Variants in ALKBH8 observed in about 807,000 individuals in gnomAD.
ALKBH8 encodes tRNA (carboxymethyluridine(34)-5-O)-methyltransferase ALKBH8.
In ALKBH8, 36 loss-of-function variants were observed where a neutral mutation model predicts 59.8. The observed-to-expected ratio is 0.60, with a 90% CI of 0.46 to 0.79. The LOEUF (loss-of-function observed/expected upper bound fraction) is 0.79, where lower values mean the gene tolerates loss of function less well. ALKBH8 is among the 30% of genes least tolerant of loss of function. The pLI, the probability that ALKBH8 is intolerant of heterozygous loss-of-function variation, is 0.00. For synonymous variants in ALKBH8, 276 were observed against 273.6 expected, an observed-to-expected ratio of 1.01 and a Z score of -0.09; for missense variants, 768 against 801.0, an observed-to-expected ratio of 0.96 and a Z score of 0.50.
At chr11:107,555,767 T>C (rs949413748) in intron 3 of ALKBH8, among the ~76,000 whole-genome samples, 3 of 152,224 alleles carry the variant, frequency 2.0e-5, no homozygotes, top group African/African-American at 7.2e-5. Flanking sequence ...GAATATATGA[T>C]TAGATGTTTA....
intron 10 of ALKBH8, among the ~76,000 whole-genome samples, chr11:107,519,797 T>C (rs543593170): frequency 9.0e-4 from 137 of 152,278 alleles, no homozygotes; most frequent in African/African-American, 3.2e-3. Flanking sequence ...AACTCTGAAT[T>C]TGAATTCTGG....
At chr11:107,537,895 A>T (rs1465634935) in intron 7 of ALKBH8, among the ~76,000 whole-genome samples, 1 of 152,206 alleles carries the variant, frequency 6.6e-6, no homozygotes, top group Non-Finnish European at 1.5e-5. Context: ...TGACAAGATG[A>T]GAAAGACCAC....
chr11:107,543,955 A>C (rs1463629560), intron 7 of ALKBH8, among the ~76,000 whole-genome samples: 1 of 152,238 alleles, frequency 6.6e-6, no homozygotes, highest in Non-Finnish European at 1.5e-5. Flanking sequence ...TTGGCCCCGC[A>C]ACAAAATATT....
intron 11 of ALKBH8, 89 bp downstream of exon 11, chr11:107,510,798 C>G: frequency 7.3e-7 from 1 of 1,377,670 alleles, no homozygotes; most frequent in Non-Finnish European, 9.8e-7. Flanking sequence ...AACTGAAAAG[C>G]TAAAACAGGG....
At chr11:107,518,600 C>T (rs1033469239) in intron 10 of ALKBH8, among the ~76,000 whole-genome samples, 1 of 152,270 alleles carries the variant, frequency 6.6e-6, no homozygotes, top group Non-Finnish European at 1.5e-5. Context: ...GTTCTTAAAC[C>T]ACAAACAATA....
intron 2 of ALKBH8, among the ~76,000 whole-genome samples, chr11:107,560,413 A>G (rs1864890292): frequency 6.6e-6 from 1 of 152,184 alleles, no homozygotes; most frequent in South Asian, 2.1e-4. Flanking sequence ...CAATGGAGAC[A>G]TATCATAACC....
intron 10 of ALKBH8, among the ~76,000 whole-genome samples, chr11:107,516,111 T>TTAA (rs2135485574): frequency 6.6e-6 from 1 of 152,314 alleles, no homozygotes; most frequent in African/African-American, 2.4e-5. Flanking sequence ...TTAGGTACTA[T>TTAA]TTTCACCACA....
intron 7 of ALKBH8, among the ~76,000 whole-genome samples, chr11:107,544,230 G>T (rs557674025): frequency 2.0e-5 from 3 of 152,152 alleles, no homozygotes; most frequent in African/African-American, 4.8e-5. Context: ...TACTCCAAAG[G>T]CTCCAAATAC....
chr11:107,522,777 G>A (rs1395015976), intron 9 of ALKBH8, among the ~76,000 whole-genome samples: 1 of 152,074 alleles, frequency 6.6e-6, no homozygotes, highest in African/African-American at 2.4e-5. Flanking sequence ...TTGCACTCCA[G>A]CACAGGTGAC....
At chr11:107,506,157 C>T (rs191721157) in intron 11 of ALKBH8, among the ~76,000 whole-genome samples, 25 of 152,252 alleles carry the variant, frequency 1.6e-4, no homozygotes, top group Non-Finnish European at 2.8e-4. Flanking sequence ...CAGGCTTTCA[C>T]TTGAGACCCA....
intron 10 of ALKBH8, among the ~76,000 whole-genome samples, chr11:107,516,640 A>T (rs1862874578): frequency 6.6e-6 from 1 of 152,250 alleles, no homozygotes; most frequent in South Asian, 2.1e-4. Context: ...TAACTTGAGG[A>T]AACAATCATC....
At chr11:107,519,371 C>T (rs985759289) in intron 10 of ALKBH8, among the ~76,000 whole-genome samples, 1 of 152,176 alleles carries the variant, frequency 6.6e-6, no homozygotes, top group South Asian at 2.1e-4. Context: ...TCCCAAAGTG[C>T]TGGGATTACA....
At chr11:107,527,272 C>T (rs1046994129) in intron 8 of ALKBH8, among the ~76,000 whole-genome samples, 23 of 151,836 alleles carry the variant, frequency 1.5e-4, no homozygotes, top group Admixed American at 3.9e-4. Context: ...TTACTCCAGG[C>T]AAGGTTATCT....
chr11:107,505,595 GACTTCT>G (rs1231100397), intron 11 of ALKBH8, among the ~76,000 whole-genome samples: 1 of 152,192 alleles, frequency 6.6e-6, no homozygotes, highest in Non-Finnish European at 1.5e-5. Flanking sequence ...ATACTATGGA[GACTTCT>G]ACTTATAGCC....
At chr11:107,508,945 G>A (rs1342434072) in intron 11 of ALKBH8, among the ~76,000 whole-genome samples, 1 of 152,168 alleles carries the variant, frequency 6.6e-6, no homozygotes, top group Non-Finnish European at 1.5e-5. Context: ...CCTTTTGGCT[G>A]TTGTGAATAA....
chr11:107,508,462 G>A (rs567161459), intron 11 of ALKBH8, among the ~76,000 whole-genome samples: 1 of 152,262 alleles, frequency 6.6e-6, no homozygotes, highest in South Asian at 2.1e-4. Flanking sequence ...CGTGAGCCAC[G>A]ACAGCTGGCC....
chr11:107,519,306 C>T (rs1422775439), intron 10 of ALKBH8, among the ~76,000 whole-genome samples: 2 of 151,690 alleles, frequency 1.3e-5, no homozygotes, highest in East Asian at 1.9e-4. Context: ...GGTTTCTCCA[C>T]GTTGGTCAGG....
At chr11:107,563,362 T>C (rs1865010473) in intron 1 of ALKBH8, among the ~76,000 whole-genome samples, 1 of 152,192 alleles carries the variant, frequency 6.6e-6, no homozygotes, top group Non-Finnish European at 1.5e-5. Flanking sequence ...AATACAGTGT[T>C]TAGGAGTCCA....
chr11:107,543,759 A>G (rs561715086), intron 7 of ALKBH8, among the ~76,000 whole-genome samples: 2 of 152,246 alleles, frequency 1.3e-5, no homozygotes, highest in South Asian at 2.1e-4. Flanking sequence ...TGACTCAATA[A>G]AGGCAAAAAA....
Sources: gnomAD v4.1 joint callset for allele counts (sites outside exome capture counted in the v4.1 genomes callset) on GRCh38, gnomAD v4.1.1 for gene constraint, MANE v1.5 for transcripts, NCBI Gene and HGNC (gene_info 2026-07-23, HGNC 2026-07-21) for gene names.